DPYD: variants seen among roughly 807,000 people sequenced by gnomAD.
DPYD encodes the protein dihydropyrimidine dehydrogenase.
Under a neutral mutation model 116.2 loss-of-function variants are expected in DPYD, and 109 were observed. That is an observed-to-expected ratio of 0.94 (90% CI 0.80 to 1.10). DPYD has a LOEUF of 1.10. Among genes scored for constraint, DPYD ranks in the 50% least tolerant of loss-of-function variants. The pLI is 0.00. For missense variants in DPYD, 1,302 were observed against 1,254.5 expected (o/e 1.04, Z -0.57); for synonymous variants, 440 against 432.0 (o/e 1.02, Z -0.23).
chr1:97,307,814 G>C (rs2101045969), intron 16 of DPYD, among the ~76,000 whole-genome samples: 1 of 152,002 alleles, frequency 6.6e-6, no homozygotes, highest in South Asian at 2.1e-4. Flanking sequence ...CACTGCATTG[G>C]TATTATGAAG....
At chr1:97,302,815 T>C (rs1232571185) in intron 18 of DPYD, among the ~76,000 whole-genome samples, 1 of 152,050 alleles carries the variant, frequency 6.6e-6, no homozygotes, top group Non-Finnish European at 1.5e-5. Flanking sequence ...CTTATTCTAT[T>C]TCATTATTTA....
At chr1:97,539,012 A>T (rs900109240) in intron 12 of DPYD, among the ~76,000 whole-genome samples, 2 of 152,356 alleles carry the variant, frequency 1.3e-5, no homozygotes, top group Middle Eastern at 3.4e-3. Context: ...TTTGCTGAAG[A>T]AAACAGAAGA....
intron 3 of DPYD, among the ~76,000 whole-genome samples, chr1:97,824,559 G>C (rs552913311): frequency 5.1e-4 from 77 of 152,220 alleles, no homozygotes; most frequent in African/African-American, 1.8e-3. Flanking sequence ...ATGTGGCTGA[G>C]GGCTCTCACA....
chr1:97,174,861 C>A (rs549862404), intron 20 of DPYD, among the ~76,000 whole-genome samples: 2 of 152,246 alleles, frequency 1.3e-5, no homozygotes, highest in South Asian at 2.1e-4. Context: ...AAAACTACCA[C>A]CCCAGTTGAG....
At chr1:97,691,961 C>T (rs1661031674) in intron 6 of DPYD, among the ~76,000 whole-genome samples, 163 bp from the exon 7 acceptor site, 1 of 152,004 alleles carries the variant, frequency 6.6e-6, no homozygotes. Flanking sequence ...CATCTACATT[C>T]TTATTGATAT....
At chr1:97,550,056 AC>A in intron 11 of DPYD, among the ~76,000 whole-genome samples, 1 of 152,316 alleles carries the variant, frequency 6.6e-6, no homozygotes, top group African/African-American at 2.4e-5. Context: ...TTAAATACAT[AC>A]AAAATACATT....
At chr1:97,519,301 C>T (rs1003030247) in intron 12 of DPYD, among the ~76,000 whole-genome samples, 8 of 152,134 alleles carry the variant, frequency 5.3e-5, no homozygotes, top group African/African-American at 1.9e-4. Context: ...TGGATGACAG[C>T]AGGCAAAGAG....
intron 5 of DPYD, chr1:97,720,636 G>A (rs1662869874): frequency 2.4e-6 from 3 of 1,255,266 alleles, no homozygotes; most frequent in Non-Finnish European, 3.0e-6. Context: ...GGAATATTAT[G>A]GGAAGGGTCC....
intron 13 of DPYD, among the ~76,000 whole-genome samples, chr1:97,484,150 C>CA (rs1678482349): frequency 6.6e-6 from 1 of 152,062 alleles, no homozygotes; most frequent in Non-Finnish European, 1.5e-5. Context: ...ACTAAAAATA[C>CA]AAAAATTAGC....
chr1:97,400,765 A>T (rs1412381712), intron 14 of DPYD, among the ~76,000 whole-genome samples: 5 of 152,096 alleles, frequency 3.3e-5, no homozygotes, highest in Non-Finnish European at 7.4e-5. Flanking sequence ...CTCTGATGGT[A>T]GTTTGTATTT....
chr1:97,175,876 T>C (rs1657218232), intron 20 of DPYD, among the ~76,000 whole-genome samples: 1 of 152,220 alleles, frequency 6.6e-6, no homozygotes, highest in Non-Finnish European at 1.5e-5. Context: ...TGAACTGTCC[T>C]TTCGTGTTGC....
chr1:97,379,169 C>T (rs181619322), intron 15 of DPYD, among the ~76,000 whole-genome samples: 8 of 152,136 alleles, frequency 5.3e-5, no homozygotes, highest in Admixed American at 1.3e-4. Context: ...GCCAAGGGAA[C>T]AGGAAAAGCT....
At chr1:97,517,477 T>C (rs140470649) in intron 12 of DPYD, among the ~76,000 whole-genome samples, 1,893 of 152,234 alleles carry the variant, frequency 0.012, 24 homozygotes, top group Middle Eastern at 0.024. Flanking sequence ...TCATCCTTTT[T>C]AAATTTCAAA....
chr1:97,737,045 C>T (rs1663996151), intron 4 of DPYD, among the ~76,000 whole-genome samples: 1 of 152,050 alleles, frequency 6.6e-6, no homozygotes, highest in Non-Finnish European at 1.5e-5. Context: ...CTCTCCAAAC[C>T]GAGTCCCAGG....
intron 3 of DPYD, among the ~76,000 whole-genome samples, chr1:97,769,485 T>C (rs563707281): frequency 1.3e-4 from 20 of 152,310 alleles, no homozygotes; most frequent in African/African-American, 4.8e-4. Context: ...TAAGATGATT[T>C]GTGGTGGTTA....
chr1:97,322,966 T>C (rs1668388411), intron 16 of DPYD: 3 of 151,884 alleles, frequency 2.0e-5, no homozygotes, highest in South Asian at 4.1e-4. Flanking sequence ...TCTGCTCTTA[T>C]TTCTCAGCAT....
At chr1:97,554,255 G>A (rs546936245) in intron 11 of DPYD, among the ~76,000 whole-genome samples, 68 of 152,090 alleles carry the variant, frequency 4.5e-4, no homozygotes, top group African/African-American at 1.5e-3. Flanking sequence ...AAACCCACAA[G>A]CATATGACAA....
intron 14 of DPYD, among the ~76,000 whole-genome samples, chr1:97,403,713 C>T (rs1228489519): frequency 2.6e-5 from 4 of 151,894 alleles, no homozygotes; most frequent in African/African-American, 9.7e-5. Flanking sequence ...ATTAGCCTGG[C>T]TAGAGGCTTA....
chr1:97,313,755 G>A (rs908993279), intron 16 of DPYD, among the ~76,000 whole-genome samples: 12 of 151,846 alleles, frequency 7.9e-5, no homozygotes, highest in African/African-American at 2.4e-4. Flanking sequence ...GTAAATGACT[G>A]CCTCTTTAGT....
Sources: gnomAD v4.1 joint callset for allele counts (sites outside exome capture counted in the v4.1 genomes callset) on GRCh38, gnomAD v4.1.1 for gene constraint, MANE v1.5 for transcripts, NCBI Gene and HGNC (gene_info 2026-07-23, HGNC 2026-07-21) for gene names.